Variants in NIPBL observed in about 807,000 individuals in gnomAD.
NIPBL encodes the protein NIPBL cohesin loading factor, also known as nipped-B-like protein.
NIPBL carries 19 observed loss-of-function variants against 321.8 expected under a neutral mutation model. The observed-to-expected ratio is 0.06, with a 90% CI of 0.04 to 0.09. NIPBL has a LOEUF of 0.09. NIPBL is among the 10% of genes least tolerant of loss of function. The probability of loss-of-function intolerance (pLI) is 1.00; values close to 1 mark genes in which losing one functional copy is unlikely to be tolerated. For missense variants in NIPBL, 2,210 were observed against 3,327.0 expected (o/e 0.66, Z 8.26); for synonymous variants, 1,106 against 1,114.1 (o/e 0.99, Z 0.14).
chr5:37,060,278 C>T (rs1173353902), intron 44 of NIPBL, among the ~76,000 whole-genome samples: 1 of 152,192 alleles, frequency 6.6e-6, no homozygotes, highest in Non-Finnish European at 1.5e-5. Flanking sequence ...CCTACTTCAG[C>T]CACCTGAGTA....
intron 33 of NIPBL, among the ~76,000 whole-genome samples, chr5:37,037,574 G>A (rs1057057224): frequency 6.7e-5 from 10 of 149,882 alleles, no homozygotes; most frequent in East Asian, 1.9e-4. Context: ...TCTAACAGCC[G>A]TCCATTTATG....
intron 1 of NIPBL, among the ~76,000 whole-genome samples, chr5:36,948,647 G>T (rs1739947429): frequency 6.6e-6 from 1 of 151,814 alleles, no homozygotes; most frequent in Admixed American, 6.6e-5. Flanking sequence ...TACAAATTTT[G>T]AAAAGAAAGG....
At position 36,985,214 on chromosome 5, in the gene NIPBL, G is replaced by C. The variant is rs774567810; in HGVS notation, c.2034G>C (p.Leu678=). 2 of 1,613,656 alleles carry C rather than the reference G, an allele frequency of 1.2e-6. No individual in the cohort carries two copies. The highest frequency in any genetic ancestry group is 2.7e-5 in the African/African-American group (2 of 74,868). ...AGCCTAAACAAAATGAAAATAGACTGTCTGACACAAAACCAAATGACAACA... is the reference window on the plus strand; with the variant it reads ...AGCCTAAACAAAATGAAAATAGACTCTCTGACACAAAACCAAATGACAACA... ...IVEPKQNENR[L]SDTKPNDNKQ... The change falls in exon 10 of 47, where the codon CTG becomes CTC. Residue 678 remains leucine (L), a synonymous_variant. Coordinates refer to ENST00000282516, the MANE Select transcript of NIPBL (RefSeq NM_133433.4).
intron 33 of NIPBL, among the ~76,000 whole-genome samples, chr5:37,037,153 C>G (rs1200585832): frequency 2.6e-5 from 4 of 151,268 alleles, no homozygotes; most frequent in Non-Finnish European, 2.9e-5. Context: ...TTTGGGAGGC[C>G]AAGGCGGGCA....
chr5:36,900,832 C>T (rs1230577568), intron 1 of NIPBL, among the ~76,000 whole-genome samples: 4 of 152,104 alleles, frequency 2.6e-5, no homozygotes, highest in African/African-American at 4.8e-5. Context: ...GGCAGGGGAC[C>T]TAGTAAGTTC....
rs1749546384 is a variant in NIPBL, at chr5:37,020,850, C to T, written c.5301C>T (p.Ala1767=). ...VRYLASMRPF[A]QSFDIYLTQI... The stretch of plus-strand genomic sequence containing the variant: ...ACTTGGCCTCCATGAGGCCGTTTGC[C>T]CAGAGCTTTGATATTTATTTGACAC... Residue 1767 remains alanine (A), a synonymous_variant, in exon 27 of 47, where the codon GCC becomes GCT. Coordinates refer to ENST00000282516, the MANE Select transcript of NIPBL (RefSeq NM_133433.4). 6.2e-7 allele frequency: 1 copy of T among 1,613,270 alleles called. No individual in the cohort carries two copies. The highest frequency in any genetic ancestry group is 1.3e-5 in the African/African-American group (1 of 74,872).
At position 36,985,663 on chromosome 5, in the gene NIPBL, G is replaced by GTTC; in HGVS notation, c.2484_2485insTCT (p.Gly828_Glu829insSer). 1 of 1,613,960 alleles carries GTTC rather than the reference G, an allele frequency of 6.2e-7. No individual in the cohort carries two copies. The highest frequency in any genetic ancestry group is 8.5e-7 in the Non-Finnish European group (1 of 1,179,960). On this transcript the variant is annotated inframe_insertion, in exon 10 of 47. Coordinates refer to ENST00000282516, the MANE Select transcript of NIPBL (RefSeq NM_133433.4). The stretch of plus-strand genomic sequence containing the variant: ...AATAAACAAAAATCAGATGACAGGG[G>GTTC]TGAATCAGAGCGACATCGAGGGGAT...
chr5:36,989,839 C>CAAAAA (rs374278669), intron 10 of NIPBL, among the ~76,000 whole-genome samples: 1 of 73,454 alleles, frequency 1.4e-5, no homozygotes. Flanking sequence ...ACTCTGTCTC[C>CAAAAA]AAAAAAAAAA....
At chr5:36,884,622 AT>A (rs1341515356) in intron 1 of NIPBL, among the ~76,000 whole-genome samples, 1 of 152,170 alleles carries the variant, frequency 6.6e-6, no homozygotes. Flanking sequence ...GAGATTTTGT[AT>A]TATCTTCATC....
intron 3 of NIPBL, among the ~76,000 whole-genome samples, chr5:36,955,858 A>G (rs1475519728): frequency 6.6e-6 from 1 of 152,136 alleles, no homozygotes; most frequent in East Asian, 1.9e-4. Context: ...ATGTAGCTCT[A>G]TGGATATTTT....
At position 36,996,460 on chromosome 5, in the gene NIPBL, A is replaced by G. The variant is rs1226370847; in HGVS notation, c.3304+656A>G. 4.4e-6 allele frequency: 2 copies of G among 456,388 alleles called. No homozygotes were observed. The highest frequency in any genetic ancestry group is 4.0e-5 in the African/African-American group (2 of 49,994). The allele number at this position is 456,388 out of a possible 1,614,324, so 28.3% of individuals were successfully genotyped here. A position where few individuals can be genotyped will look rare whatever the true frequency, so the allele number is the denominator to read the frequency against. ...TGTCCTGGAATTCCTCCCTTGTTTC[A>G]CTGTTTTCCAGAGCTGGCTTCTTCA... On this transcript the variant is annotated intron_variant, in intron 11 of 46. Coordinates refer to ENST00000282516, the MANE Select transcript of NIPBL (RefSeq NM_133433.4). This position sits in a 1 kb window ranked among gnomAD's most constrained non-coding sequence, Gnocchi z 5.0.
intron 45 of NIPBL, among the ~76,000 whole-genome samples, chr5:37,063,492 C>T (rs923770523): frequency 4.6e-5 from 7 of 152,176 alleles, no homozygotes; most frequent in Non-Finnish European, 1.0e-4. Flanking sequence ...TAACCCATTG[C>T]CTGTTTTTGC....
chr5:36,903,626 A>G (rs543113102), intron 1 of NIPBL, among the ~76,000 whole-genome samples: 1 of 152,314 alleles, frequency 6.6e-6, no homozygotes, highest in South Asian at 2.1e-4. Flanking sequence ...TTTGGGCTGA[A>G]TGAATTCATA....
intron 27 of NIPBL, 58 bp downstream of exon 27, chr5:37,020,935 T>G: frequency 9.0e-7 from 1 of 1,117,188 alleles, no homozygotes; most frequent in Non-Finnish European, 1.4e-6. Flanking sequence ...TCTGGATGCT[T>G]GTGAGCAGTA....
intron 8 of NIPBL, among the ~76,000 whole-genome samples, chr5:36,973,846 A>G (rs1173484121): frequency 1.3e-5 from 2 of 151,844 alleles, no homozygotes; most frequent in African/African-American, 4.8e-5. Context: ...CTACCCTCCA[A>G]CAGGCCCTGG....
chr5:36,967,619 A>G (rs981947262), intron 6 of NIPBL, among the ~76,000 whole-genome samples: 25 of 152,216 alleles, frequency 1.6e-4, no homozygotes, highest in African/African-American at 6.0e-4. Context: ...ACATATGAAC[A>G]TTCATGTCCT....
At chr5:36,936,806 C>T (rs928688279) in intron 1 of NIPBL, among the ~76,000 whole-genome samples, 2 of 150,586 alleles carry the variant, frequency 1.3e-5, no homozygotes, top group African/African-American at 4.9e-5. Flanking sequence ...ATGGTGATAA[C>T]GAGACTTAAC....
chr5:36,916,765 G>A (rs147985830), intron 1 of NIPBL, among the ~76,000 whole-genome samples: 20,913 of 151,450 alleles, frequency 0.14, 1,890 homozygotes, highest in Non-Finnish European at 0.2. Context: ...GTTTTTTGTC[G>A]TTGCAGTAGT....
intron 23 of NIPBL, 143 bp downstream of exon 23, chr5:37,016,313 C>G: frequency 2.3e-6 from 2 of 884,280 alleles, no homozygotes; most frequent in Non-Finnish European, 3.6e-6. Context: ...CATAACTGTA[C>G]ACAATATTGT....
Sources: gnomAD v4.1 joint callset for allele counts (sites outside exome capture counted in the v4.1 genomes callset) on GRCh38, gnomAD v4.1.1 for gene constraint, Gnocchi (gnomAD v3.1) non-coding constraint, MANE v1.5 for transcripts, NCBI Gene and HGNC (gene_info 2026-07-23, HGNC 2026-07-21) for gene names.